LRRC63: variants seen among roughly 807,000 people sequenced by gnomAD.
The protein encoded by LRRC63 is leucine rich repeat containing 63.
LRRC63 carries 40 observed loss-of-function variants against 49.5 expected under a neutral mutation model. That is an observed-to-expected ratio of 0.81 (90% CI 0.63 to 1.05). The LOEUF (loss-of-function observed/expected upper bound fraction) is 1.05. LRRC63 is among the 50% of genes least tolerant of loss of function. The pLI is 0.00. For synonymous variants in LRRC63, 191 were observed against 221.1 expected (o/e 0.86, Z 1.21); for missense variants, 636 against 663.1 (o/e 0.96, Z 0.45).
chr13:46,267,306 T>A (rs190814687), intron 9 of LRRC63, among the ~76,000 whole-genome samples: 102 of 152,324 alleles, frequency 6.7e-4, no homozygotes, highest in Middle Eastern at 3.4e-3. Context: ...CCAGACACAC[T>A]ATTCTAGGAG....
chr13:46,258,574 C>G (rs1390881768), intron 7 of LRRC63, among the ~76,000 whole-genome samples: 1 of 150,830 alleles, frequency 6.6e-6, no homozygotes, highest in Admixed American at 6.6e-5. Context: ...CTTTGGGAGG[C>G]CGGGGTGGGC....
intron 6 of LRRC63, among the ~76,000 whole-genome samples, chr13:46,249,730 A>T (rs1368968367): frequency 6.6e-6 from 1 of 152,064 alleles, no homozygotes; most frequent in East Asian, 1.9e-4. Flanking sequence ...CTTTATGATG[A>T]TAACAAGGTT....
At chr13:46,233,398 G>T (rs1364650876) in intron 4 of LRRC63, among the ~76,000 whole-genome samples, 2 of 152,086 alleles carry the variant, frequency 1.3e-5, no homozygotes, top group African/African-American at 4.8e-5. Flanking sequence ...GGGCACAGAG[G>T]TTCTATTTTA....
intron 2 of LRRC63, among the ~76,000 whole-genome samples, chr13:46,224,153 G>A (rs1038278162): frequency 1.3e-5 from 2 of 152,124 alleles, no homozygotes; most frequent in Non-Finnish European, 2.9e-5. Context: ...AGGTTTTATA[G>A]TCCTTCCTTT....
rs547112059 is a variant in LRRC63 at position 46,218,087 on chromosome 13, G to T, written c.85+4968G>T. Among the ~76,000 whole-genome samples the T allele has an allele frequency of 5.3e-5, 8 of 152,258 alleles. No homozygotes were observed. The East Asian group carries it at 1.5e-3, about 29-fold the overall frequency. On this transcript the variant is annotated intron_variant, in intron 2 of 9. Transcript: ENST00000595396. ...AAGAATGTATATTCTGTTGATTTGGGGTGGAGAGTTCTGTAGATGTCTATT... is the reference window on the plus strand; with the variant it reads ...AAGAATGTATATTCTGTTGATTTGGTGTGGAGAGTTCTGTAGATGTCTATT...
intron 9 of LRRC63, among the ~76,000 whole-genome samples, chr13:46,272,558 C>T (rs1022031841): frequency 3.3e-5 from 5 of 152,104 alleles, no homozygotes; most frequent in African/African-American, 1.2e-4. Flanking sequence ...TTGGTGAAAG[C>T]TTCTTGGAAG....
exon 6 of LRRC63, chr13:46,246,539 C>T (rs2047218159): frequency 6.9e-6 from 10 of 1,447,924 alleles, no homozygotes; most frequent in Non-Finnish European, 9.1e-6. Context: ...CTTTTTTATC[C>T]TAAATTGTCC....
chr13:46,235,799 G>T (rs926761523), intron 5 of LRRC63, among the ~76,000 whole-genome samples: 3 of 152,102 alleles, frequency 2.0e-5, no homozygotes, highest in Admixed American at 6.5e-5. Flanking sequence ...AGGAAGCACA[G>T]ACATTGGACT....
intron 4 of LRRC63, among the ~76,000 whole-genome samples, chr13:46,233,071 A>C (rs2046810462): frequency 1.3e-5 from 2 of 152,174 alleles, no homozygotes; most frequent in South Asian, 4.1e-4. Flanking sequence ...CTATGATGTA[A>C]ATTAACTTCC....
rs537986086 is a variant in LRRC63 at position 46,227,549 on chromosome 13, C to G, written c.123C>G (p.Phe41Leu). 21 of 1,541,798 alleles carry G rather than the reference C, an allele frequency of 1.4e-5. 1 individual carries two copies. In the African/African-American group the frequency reaches 2.9e-4, roughly 21 times the overall value. The change falls in exon 3 of 10, where the codon TTC (phenylalanine) becomes TTG (leucine). Residue 41 changes from phenylalanine (F) to leucine (L), a missense_variant. Physicochemically the swap from Phe to Leu is conservative, Grantham distance 22. Transcript: ENST00000595396. ...AAATTGAGTCACTACATGTAGCATT[C>G]ACTGAAGATGAAACCACTTCCATTA... is the stretch of plus-strand genomic sequence containing the variant.
chr13:46,271,321 CG>C (rs1566515651), intron 9 of LRRC63, among the ~76,000 whole-genome samples: 1 of 152,100 alleles, frequency 6.6e-6, no homozygotes, highest in Non-Finnish European at 1.5e-5. Flanking sequence ...AAACCTAACC[CG>C]CCTTTCTTAC....
At chr13:46,234,945 A>G (rs184249125) in intron 5 of LRRC63, among the ~76,000 whole-genome samples, 4 of 152,308 alleles carry the variant, frequency 2.6e-5, no homozygotes, top group African/African-American at 7.2e-5. Context: ...ATAAGTTCTA[A>G]CTCATAGAAA....
At chr13:46,227,249 C>G (rs749601839) in intron 2 of LRRC63, among the ~76,000 whole-genome samples, 3 of 152,212 alleles carry the variant, frequency 2.0e-5, no homozygotes, top group African/African-American at 4.8e-5. Context: ...CTCCCCTTCT[C>G]TCTACCAATT....
At chr13:46,214,535 G>A (rs2046189916) in intron 2 of LRRC63, among the ~76,000 whole-genome samples, 1 of 151,860 alleles carries the variant, frequency 6.6e-6, no homozygotes, top group African/African-American at 2.4e-5. Context: ...TGACATTTTA[G>A]GTTGGATGGT....
chr13:46,274,954 AT>A (rs1043246072), intron 9 of LRRC63, among the ~76,000 whole-genome samples: 5 of 151,770 alleles, frequency 3.3e-5, no homozygotes, highest in Non-Finnish European at 7.4e-5. Flanking sequence ...TCTACCTGTG[AT>A]TTTTTTTCCA....
chr13:46,268,719 T>G (rs527832540), intron 9 of LRRC63, among the ~76,000 whole-genome samples: 2 of 151,440 alleles, frequency 1.3e-5, no homozygotes, highest in African/African-American at 2.4e-5. Flanking sequence ...TTGCAAAGGA[T>G]GTACATCAAA....
At chr13:46,263,030 G>T (rs961670274) in intron 8 of LRRC63, among the ~76,000 whole-genome samples, 2 of 152,064 alleles carry the variant, frequency 1.3e-5, no homozygotes, top group African/African-American at 4.8e-5. Context: ...TTTAGTAGGA[G>T]AATTCAGTCT....
intron 2 of LRRC63, among the ~76,000 whole-genome samples, chr13:46,226,208 T>G (rs1401984804): frequency 3.3e-5 from 5 of 152,048 alleles, no homozygotes; most frequent in Non-Finnish European, 7.4e-5. Flanking sequence ...GGTCTTGAAC[T>G]CCTGGCCTCA....
intron 9 of LRRC63, among the ~76,000 whole-genome samples, chr13:46,267,267 G>A (rs1858035279): frequency 6.6e-6 from 1 of 152,198 alleles, no homozygotes; most frequent in Non-Finnish European, 1.5e-5. Context: ...GTTCACAGAA[G>A]TGGATTCTTC....
Sources: allele counts gnomAD v4.1 joint callset (sites outside exome capture counted in the v4.1 genomes callset), GRCh38; gene constraint gnomAD v4.1.1; transcripts MANE v1.5; gene names NCBI Gene and HGNC (gene_info 2026-07-23, HGNC 2026-07-21).